NAALADL2: variants seen among roughly 807,000 people sequenced by gnomAD.
NAALADL2 encodes N-acetylated alpha-linked acidic dipeptidase like 2.
In NAALADL2, 76 loss-of-function variants were observed where a neutral mutation model predicts 87.2. That is an observed-to-expected ratio of 0.87 (90% CI 0.72 to 1.05). NAALADL2 has a LOEUF of 1.05. NAALADL2 is among the 50% of genes least tolerant of loss of function. NAALADL2 has a pLI of 0.00. For synonymous variants in NAALADL2, 354 were observed against 331.0 expected, an observed-to-expected ratio of 1.07 and a Z score of -0.75; for missense variants, 1,089 against 945.8, an observed-to-expected ratio of 1.15 and a Z score of -1.99.
chr3:174,774,307 C>A (rs1265588748), intron 3 of NAALADL2, among the ~76,000 whole-genome samples: 1 of 152,152 alleles, frequency 6.6e-6, no homozygotes, highest in Non-Finnish European at 1.5e-5. Flanking sequence ...CTCTGCAGTC[C>A]TCTTTCTCTA....
At chr3:174,471,580 A>G (rs76177272) in intron 1 of NAALADL2, among the ~76,000 whole-genome samples, 2 of 146,022 alleles carry the variant, frequency 1.4e-5, no homozygotes, top group African/African-American at 5.1e-5. Flanking sequence ...AATTTTTTTT[A>G]AGAGATTTTA....
intron 1 of NAALADL2, among the ~76,000 whole-genome samples, chr3:174,995,821 C>G (rs1431425693): frequency 1.3e-5 from 2 of 150,870 alleles, no homozygotes; most frequent in Admixed American, 1.3e-4. Context: ...TATAGAAATT[C>G]AGTGATTTAT....
intron 4 of NAALADL2, among the ~76,000 whole-genome samples, chr3:175,314,563 CTATATA>C (rs57049565): frequency 0.017 from 1,149 of 69,584 alleles, 20 homozygotes; most frequent in South Asian, 0.029. Flanking sequence ...CACATTCTAA[CTATATA>C]TATATATATA....
intron 2 of NAALADL2, among the ~76,000 whole-genome samples, chr3:175,097,794 G>T (rs990813491): frequency 2.4e-4 from 36 of 151,978 alleles, no homozygotes; most frequent in African/African-American, 8.0e-4. Flanking sequence ...AGTTGTAAAA[G>T]GTTTTCTAGT....
At chr3:175,256,346 A>G in intron 3 of NAALADL2, 65 bp from the exon 4 acceptor site, 8 of 1,452,008 alleles carry the variant, frequency 5.5e-6, no homozygotes, top group Middle Eastern at 2.1e-4. Context: ...GTTATACTAA[A>G]TGGACAATTG....
intron 10 of NAALADL2, among the ~76,000 whole-genome samples, chr3:175,598,608 A>G (rs1444619293): frequency 8.5e-5 from 13 of 152,128 alleles, no homozygotes; most frequent in African/African-American, 2.4e-4. Context: ...TGGGATAACT[A>G]TTATGACTCA....
intron 1 of NAALADL2, among the ~76,000 whole-genome samples, chr3:174,872,727 C>T (rs931912345): frequency 7.8e-5 from 11 of 141,022 alleles, no homozygotes; most frequent in Non-Finnish European, 1.4e-4. Flanking sequence ...CATCTACACA[C>T]ACACATACAC....
chr3:175,365,585 G>A lies in NAALADL2; in HGVS notation c.1090+41260G>A, dbSNP rs181468749. 1.0e-4 allele frequency among the ~76,000 whole-genome samples: 15 copies of A among 146,994 alleles called. 1 individual carries two copies. Among genetic ancestry groups the A allele is most frequent in the Admixed American group, 5.6e-4 (8 of 14,290 alleles). On this transcript the variant is annotated intron_variant, in intron 5 of 13. Coordinates refer to ENST00000454872, the MANE Select transcript of NAALADL2 (RefSeq NM_207015.3). ...ATTTTGTGGATTTTTCTGATTCCAC[G>A]AAGGCAAAATAACATGTTTGGTGGT... is the stretch of plus-strand genomic sequence containing the variant.
intron 1 of NAALADL2, among the ~76,000 whole-genome samples, chr3:174,906,558 A>G (rs114597701): frequency 0.013 from 1,985 of 152,216 alleles, 62 homozygotes; most frequent in African/African-American, 0.046. Context: ...TCTGGTTAGC[A>G]GCTAGTGAGG....
intron 3 of NAALADL2, among the ~76,000 whole-genome samples, chr3:174,743,882 A>C (rs1733995950): frequency 6.6e-6 from 1 of 151,920 alleles, no homozygotes; most frequent in Non-Finnish European, 1.5e-5. Flanking sequence ...AACATGAATA[A>C]AAGCTTTCAT....
chr3:175,351,868 C>G (rs908313973), intron 5 of NAALADL2, among the ~76,000 whole-genome samples: 27 of 152,128 alleles, frequency 1.8e-4, no homozygotes, highest in African/African-American at 6.5e-4. Flanking sequence ...ATGTGTTTAT[C>G]TGATCTTAAA....
intron 3 of NAALADL2, among the ~76,000 whole-genome samples, chr3:174,815,487 C>T (rs1260651432): frequency 6.6e-6 from 1 of 152,120 alleles, no homozygotes; most frequent in Non-Finnish European, 1.5e-5. Flanking sequence ...TGCAGTGGCA[C>T]AATCTTAGCT....
At chr3:174,965,721 G>C (rs1560421084) in intron 1 of NAALADL2, among the ~76,000 whole-genome samples, 1 of 152,110 alleles carries the variant, frequency 6.6e-6, no homozygotes, top group African/African-American at 2.4e-5. Flanking sequence ...TAAAAATAAA[G>C]AAGCAGTGAA....
At chr3:174,925,174 G>A (rs1735815146) in intron 1 of NAALADL2, among the ~76,000 whole-genome samples, 1 of 152,058 alleles carries the variant, frequency 6.6e-6, no homozygotes, top group Admixed American at 6.6e-5. Context: ...GTGTTGCCTA[G>A]GTTTTCTTCT....
At chr3:175,709,852 A>G (rs1002872199) in intron 11 of NAALADL2, among the ~76,000 whole-genome samples, 2 of 152,086 alleles carry the variant, frequency 1.3e-5, no homozygotes, top group Non-Finnish European at 2.9e-5. Context: ...TGGGTTCAGG[A>G]AAGCAGTCAA....
At chr3:175,096,697 A>G in intron 1 of NAALADL2, 93 bp from the exon 2 acceptor site, 7 of 683,118 alleles carry the variant, frequency 1.0e-5, no homozygotes, top group Non-Finnish European at 1.6e-5. Flanking sequence ...TAATCATTAA[A>G]CACTCAATAT....
At chr3:175,585,767 G>A (rs1208819980) in intron 10 of NAALADL2, among the ~76,000 whole-genome samples, 1 of 151,698 alleles carries the variant, frequency 6.6e-6, no homozygotes. Context: ...GATTTTCCTT[G>A]TCTCTTCATT....
At chr3:175,274,410 C>T (rs7623999) in intron 4 of NAALADL2, among the ~76,000 whole-genome samples, 83,724 of 152,082 alleles carry the variant, frequency 0.55, 26,200 homozygotes, top group African/African-American at 0.87. Flanking sequence ...AAAATAAATA[C>T]ATATTACATA....
chr3:174,888,905 C>T (rs1560328053), intron 1 of NAALADL2, among the ~76,000 whole-genome samples: 1 of 152,190 alleles, frequency 6.6e-6, no homozygotes, highest in East Asian at 1.9e-4. Flanking sequence ...AAAAATGTTG[C>T]GTGACAATAA....
Sources: gnomAD v4.1 joint callset for allele counts (sites outside exome capture counted in the v4.1 genomes callset) on GRCh38, gnomAD v4.1.1 for gene constraint, MANE v1.5 for transcripts, NCBI Gene and HGNC (gene_info 2026-07-23, HGNC 2026-07-21) for gene names.